Variants in ATP9B observed in about 807,000 individuals in gnomAD.
ATP9B encodes ATPase phospholipid transporting 9B, also known as probable phospholipid-transporting ATPase IIB.
In ATP9B, 110 loss-of-function variants were observed where a neutral mutation model predicts 146.1. The ratio of observed to expected loss-of-function variants is 0.75; its 90% CI spans 0.65 to 0.88. The LOEUF (loss-of-function observed/expected upper bound fraction) is 0.88, where lower values mean the gene tolerates loss of function less well. ATP9B is among the 40% of genes least tolerant of loss of function. The probability of loss-of-function intolerance (pLI) is 0.00; values close to 1 mark genes in which losing one functional copy is unlikely to be tolerated. For missense variants in ATP9B, 1,499 were observed against 1,496.4 expected (o/e 1.00, Z -0.03); for synonymous variants, 604 against 569.7 (o/e 1.06, Z -0.86).
At chr18:79,193,533 T>C (rs1242363130) in intron 9 of ATP9B, among the ~76,000 whole-genome samples, 1 of 152,230 alleles carries the variant, frequency 6.6e-6, no homozygotes, top group Non-Finnish European at 1.5e-5. Context: ...AATGAAGTAA[T>C]TTATTTTCAT....
chr18:79,084,616 T>G (rs895612293), intron 1 of ATP9B, among the ~76,000 whole-genome samples: 2 of 152,150 alleles, frequency 1.3e-5, no homozygotes, highest in African/African-American at 4.8e-5. Flanking sequence ...GATATCCACA[T>G]TGGCGGTTGA....
chr18:79,254,149 A>G (rs537986287), intron 12 of ATP9B: 1 of 152,340 alleles, frequency 6.6e-6, no homozygotes, highest in South Asian at 2.1e-4. Context: ...ATATGATTTA[A>G]AATTTTCATA....
intron 21 of ATP9B, among the ~76,000 whole-genome samples, chr18:79,344,910 G>A (rs1268653855): frequency 6.6e-6 from 1 of 152,164 alleles, no homozygotes; most frequent in Non-Finnish European, 1.5e-5. Flanking sequence ...TCGCACGGTG[G>A]CCCCCGGCTG....
At chr18:79,167,860 T>C (rs1360103247) in intron 7 of ATP9B, among the ~76,000 whole-genome samples, 1 of 152,156 alleles carries the variant, frequency 6.6e-6, no homozygotes, top group Non-Finnish European at 1.5e-5. Context: ...CAGGAACTTG[T>C]GGGACTCCCA....
At chr18:79,361,697 A>C in intron 26 of ATP9B, 1 of 814,020 alleles carries the variant, frequency 1.2e-6, no homozygotes, top group Middle Eastern at 6.4e-4. Context: ...TTCTTATTGA[A>C]GCTAAAGAAC....
At chr18:79,076,432 G>A (rs1265703060) in intron 1 of ATP9B, among the ~76,000 whole-genome samples, 3 of 152,108 alleles carry the variant, frequency 2.0e-5, no homozygotes, top group Admixed American at 6.5e-5. Flanking sequence ...TACGGAATTC[G>A]GAGTTGACAG....
chr18:79,348,836 T>C (rs371065388), intron 25 of ATP9B, among the ~76,000 whole-genome samples: 1 of 152,098 alleles, frequency 6.6e-6, no homozygotes, highest in South Asian at 2.1e-4. Context: ...ACAAAAAAAT[T>C]AGCCAGGCGT....
chr18:79,215,622 G>A (rs2148433709), intron 11 of ATP9B, among the ~76,000 whole-genome samples: 1 of 152,242 alleles, frequency 6.6e-6, no homozygotes, highest in East Asian at 1.9e-4. Context: ...TATAGAGTTA[G>A]AATCACATAC....
chr18:79,300,188 A>G (rs1448985310), intron 13 of ATP9B, among the ~76,000 whole-genome samples: 2 of 152,202 alleles, frequency 1.3e-5, no homozygotes, highest in African/African-American at 4.8e-5. Context: ...GGGGCACTCC[A>G]TGTCTGAAGT....
chr18:79,086,549 G>A (rs2073854965), intron 1 of ATP9B: 1 of 146,062 alleles, frequency 6.8e-6, no homozygotes, highest in South Asian at 2.2e-4. Flanking sequence ...TTAGCATGAA[G>A]ACAGAGTTGA....
At chr18:79,073,393 G>A (rs984875909) in intron 1 of ATP9B, among the ~76,000 whole-genome samples, 6 of 152,204 alleles carry the variant, frequency 3.9e-5, no homozygotes, top group East Asian at 3.9e-4. Flanking sequence ...CCGGGAGGCC[G>A]AGGCGGGCAG....
At chr18:79,218,461 T>A (rs1295944122) in intron 11 of ATP9B, among the ~76,000 whole-genome samples, 1 of 151,844 alleles carries the variant, frequency 6.6e-6, no homozygotes, top group African/African-American at 2.4e-5. Context: ...GGCTGGCAGC[T>A]CCTGCTGGTC....
At position 79,253,397 on chromosome 18, in the gene ATP9B, T is replaced by TTGAAC. The variant is rs1158109994; in HGVS notation, c.1126_1130dup (p.Arg379SerfsTer4). The TTGAAC allele has an allele frequency of 4.3e-6, 7 of 1,609,940 alleles. No individual in the cohort carries two copies. Among genetic ancestry groups the TTGAAC allele is most frequent in the Non-Finnish European group, 5.9e-6 (7 of 1,178,974 alleles). ...TTCTTTCAGGTTGGTTTGTTGGACC[T>TTGAAC]TGAACTCAATCGGCTGACGAAAGCG... is the stretch of plus-strand genomic sequence containing the variant. On this transcript the variant is annotated frameshift_variant, in exon 12 of 30. Coordinates refer to ENST00000426216, the MANE Select transcript of ATP9B (RefSeq NM_198531.5). LOFTEE classifies it high-confidence loss of function.
At chr18:79,344,386 G>A (rs369473988) in intron 21 of ATP9B, 32 bp downstream of exon 21, 1 of 1,601,546 alleles carries the variant, frequency 6.2e-7, no homozygotes, top group Non-Finnish European at 8.6e-7. Context: ...GTACATGTCT[G>A]TCTGTGTCTC....
intron 9 of ATP9B, among the ~76,000 whole-genome samples, chr18:79,202,809 CAG>C (rs2095500717): frequency 1.3e-5 from 2 of 152,216 alleles, no homozygotes; most frequent in East Asian, 3.9e-4. Flanking sequence ...GTGTTAGAGA[CAG>C]AAACATTCAT....
intron 11 of ATP9B, among the ~76,000 whole-genome samples, chr18:79,217,680 G>A (rs916505636): frequency 2.0e-4 from 31 of 152,340 alleles, no homozygotes; most frequent in Admixed American, 1.7e-3. Context: ...TTGAATGGAA[G>A]AGAATTGTGA....
intron 13 of ATP9B, among the ~76,000 whole-genome samples, chr18:79,289,480 A>C (rs1030613574): frequency 6.6e-6 from 1 of 152,144 alleles, no homozygotes; most frequent in African/African-American, 2.4e-5. Context: ...TCCTTTAAGC[A>C]CTTCTCTGTA....
At chr18:79,212,796 G>A (rs2095596344) in intron 10 of ATP9B, among the ~76,000 whole-genome samples, 1 of 152,124 alleles carries the variant, frequency 6.6e-6, no homozygotes, top group African/African-American at 2.4e-5. Flanking sequence ...GTGCATCGGG[G>A]AGCTTATATT....
chr18:79,196,199 C>CA (rs1212946624), intron 9 of ATP9B, among the ~76,000 whole-genome samples: 1 of 152,124 alleles, frequency 6.6e-6, no homozygotes, highest in East Asian at 1.9e-4. Flanking sequence ...TTTGCTCCTT[C>CA]AAAACTGTCC....
Sources: gnomAD v4.1 joint callset for allele counts (sites outside exome capture counted in the v4.1 genomes callset) on GRCh38, gnomAD v4.1.1 for gene constraint, MANE v1.5 for transcripts, NCBI Gene and HGNC (gene_info 2026-07-23, HGNC 2026-07-21) for gene names.